Variants in ADCY8 observed in about 807,000 individuals in gnomAD.
ADCY8 encodes adenylate cyclase type 8.
ADCY8 carries 51 observed loss-of-function variants against 119.7 expected under a neutral mutation model. The ratio of observed to expected loss-of-function variants is 0.43; its 90% confidence interval spans 0.34 to 0.54. The LOEUF (loss-of-function observed/expected upper bound fraction) is 0.54, where lower values mean the gene tolerates loss of function less well. Ranked by LOEUF, ADCY8 falls within the 20% of genes least tolerant of loss-of-function variation. ADCY8 has a pLI of 0.03. For missense variants in ADCY8, 1,383 were observed against 1,598.8 expected, an observed-to-expected ratio of 0.87 and a Z score of 2.30; for synonymous variants, 665 against 651.0, an observed-to-expected ratio of 1.02 and a Z score of -0.33.
intron 8 of ADCY8, among the ~76,000 whole-genome samples, chr8:130,877,590 G>A (rs923833119): frequency 3.3e-5 from 5 of 152,192 alleles, no homozygotes; most frequent in Non-Finnish European, 4.4e-5. Flanking sequence ...AAACCCATGC[G>A]TGAAATATCT....
chr8:130,836,377 G>A lies in ADCY8; in HGVS notation c.2575C>T (p.Leu859=). 1 of 1,613,996 alleles carries A rather than the reference G, an allele frequency of 6.2e-7. No individual in the cohort carries two copies. Among genetic ancestry groups the A allele is most frequent in the Non-Finnish European group, 8.5e-7 (1 of 1,179,922 alleles). Reference sequence around the variant, plus strand: ...GCAATCATGATCAGCAGCACTGCCAGCTTCAGGACGGAGTTCAGCCGGAGG... The same window carrying A: ...GCAATCATGATCAGCAGCACTGCCAACTTCAGGACGGAGTTCAGCCGGAGG... The part of the protein sequence containing the change: ...VFLRLNSVLK[L]AVLLIMIAIY... The change falls in exon 12 of 18, where the codon CTG becomes TTG. Residue 859 remains leucine (L), a synonymous_variant. Transcript: ENST00000286355.
At chr8:130,863,715 T>C (rs1236194312) in intron 9 of ADCY8, among the ~76,000 whole-genome samples, 1 of 152,168 alleles carries the variant, frequency 6.6e-6, no homozygotes, top group Non-Finnish European at 1.5e-5. Flanking sequence ...TACCACTTCA[T>C]GTATAATGCA....
chr8:131,029,903 A>G (rs975717203), intron 1 of ADCY8, among the ~76,000 whole-genome samples: 1 of 152,078 alleles, frequency 6.6e-6, no homozygotes, highest in Non-Finnish European at 1.5e-5. Flanking sequence ...GGAAATGGTC[A>G]TCTACTATTC....
At chr8:130,851,977 C>G (rs1247247228) in intron 9 of ADCY8, among the ~76,000 whole-genome samples, 2 of 152,128 alleles carry the variant, frequency 1.3e-5, no homozygotes, top group African/African-American at 4.8e-5. Context: ...GGAATGGAAG[C>G]ATTTGCCCAA....
At chr8:130,897,096 G>T (rs1819419797) in intron 7 of ADCY8, among the ~76,000 whole-genome samples, 1 of 152,010 alleles carries the variant, frequency 6.6e-6, no homozygotes, top group Non-Finnish European at 1.5e-5. Flanking sequence ...TTTCTATTCA[G>T]GCCCTTCCAC....
intron 2 of ADCY8, among the ~76,000 whole-genome samples, chr8:130,983,452 G>A (rs1024442056): frequency 3.9e-5 from 6 of 152,168 alleles, no homozygotes; most frequent in Non-Finnish European, 7.3e-5. Context: ...CACTCCAGGG[G>A]CAGAGAGAAT....
intron 8 of ADCY8, among the ~76,000 whole-genome samples, chr8:130,876,247 T>C (rs1264252614): frequency 6.6e-6 from 1 of 152,072 alleles, no homozygotes; most frequent in African/African-American, 2.4e-5. Flanking sequence ...GGCAGGGTTT[T>C]GCCATGTTGG....
intron 15 of ADCY8, among the ~76,000 whole-genome samples, chr8:130,794,344 A>G (rs913122255): frequency 7.2e-5 from 11 of 152,196 alleles, no homozygotes; most frequent in African/African-American, 2.7e-4. Flanking sequence ...TCCCAGGTTC[A>G]AGTGATTCTC....
chr8:130,941,914 CT>C (rs1820967608), intron 4 of ADCY8, among the ~76,000 whole-genome samples: 1 of 152,160 alleles, frequency 6.6e-6, no homozygotes, highest in Admixed American at 6.5e-5. Context: ...ATAAAATCAC[CT>C]TCTTGACAAA....
intron 7 of ADCY8, among the ~76,000 whole-genome samples, chr8:130,896,743 G>A (rs1819403840): frequency 6.6e-6 from 1 of 151,926 alleles, no homozygotes; most frequent in South Asian, 2.1e-4. Flanking sequence ...TGCTGAATTT[G>A]GTATTCATGT....
chr8:130,962,221 CTT>C (rs1449078527), intron 2 of ADCY8, among the ~76,000 whole-genome samples: 1 of 152,210 alleles, frequency 6.6e-6, no homozygotes, highest in Non-Finnish European at 1.5e-5. Flanking sequence ...ATTTTCAACA[CTT>C]TTGTTTCCCT....
chr8:130,863,439 T>C (rs1818012677), intron 9 of ADCY8, among the ~76,000 whole-genome samples: 1 of 152,024 alleles, frequency 6.6e-6, no homozygotes, highest in Non-Finnish European at 1.5e-5. Context: ...GTAATTGGTA[T>C]CTTGAGACCA....
At position 130,949,218 on chromosome 8, in the gene ADCY8, G is replaced by A. The variant is rs193156103; in HGVS notation, c.1241+2650C>T. Among the ~76,000 whole-genome samples the A allele has an allele frequency of 5.5e-3, 838 of 152,230 alleles. 9 individuals are homozygous for A. The highest frequency in any genetic ancestry group is 0.019 in the African/African-American group (808 of 41,536). ...AAGAGTAACGGGAGCACTGAAGAAG[G>A]ATTCCTGCAGAAAGCGAGCCGCCGA... On this transcript the variant is annotated intron_variant, in intron 3 of 17. Coordinates refer to ENST00000286355, the MANE Select transcript of ADCY8 (RefSeq NM_001115.3).
chr8:131,021,590 G>A (rs1823670215), intron 1 of ADCY8, among the ~76,000 whole-genome samples: 1 of 152,154 alleles, frequency 6.6e-6, no homozygotes, highest in African/African-American at 2.4e-5. Context: ...CATTGTGGGA[G>A]GGAACTGGTG....
intron 12 of ADCY8, among the ~76,000 whole-genome samples, chr8:130,822,879 T>G (rs1816562254): frequency 6.6e-6 from 1 of 152,152 alleles, no homozygotes; most frequent in Non-Finnish European, 1.5e-5. Context: ...ATTAAATGAG[T>G]TAATCATGGT....
intron 5 of ADCY8, among the ~76,000 whole-genome samples, chr8:130,912,577 T>C (rs1242058560): frequency 6.6e-6 from 1 of 152,184 alleles, no homozygotes; most frequent in Non-Finnish European, 1.5e-5. Flanking sequence ...ATGTACTCAA[T>C]TGAATCTTTG....
At chr8:131,032,498 C>A (rs754199036) in intron 1 of ADCY8, among the ~76,000 whole-genome samples, 5 of 152,038 alleles carry the variant, frequency 3.3e-5, no homozygotes, top group Non-Finnish European at 7.4e-5. Flanking sequence ...TCTGACAACA[C>A]CTTGTCAGAT....
chr8:130,827,078 G>T (rs529435171), intron 12 of ADCY8, among the ~76,000 whole-genome samples: 1 of 152,278 alleles, frequency 6.6e-6, no homozygotes, highest in African/African-American at 2.4e-5. Flanking sequence ...AAGATGTTTT[G>T]TTGAATTAAA....
rs1824324700 is a variant in ADCY8, at chr8:131,040,073, C to G, written c.261G>C (p.Ser87=). ...NHHAPQLSGD[S]ALPLYSLGPG... is the part of the protein sequence containing the mutation. ...GGCCCAGCGAGTAGAGGGGCAGCGC[C>G]GAGTCGCCTGACAGCTGCGGCGCGT... The change falls in exon 1 of 18, where the codon TCG becomes TCC. Residue 87 remains serine (S), a synonymous_variant. Coordinates refer to ENST00000286355, the MANE Select transcript of ADCY8 (RefSeq NM_001115.3). The G allele has an allele frequency of 2.0e-6, 3 of 1,537,756 alleles. No individual in the cohort carries two copies. Among genetic ancestry groups the G allele is most frequent in the Non-Finnish European group, 2.6e-6 (3 of 1,147,360 alleles).
Sources: allele counts gnomAD v4.1 joint callset (sites outside exome capture counted in the v4.1 genomes callset), GRCh38; gene constraint gnomAD v4.1.1; transcripts MANE v1.5; gene names NCBI Gene and HGNC (gene_info 2026-07-23, HGNC 2026-07-21).